Variants in RNF17 observed in about 807,000 individuals in gnomAD.
RNF17 encodes ring finger protein 17, also known as spermatogenesis associated 23.
RNF17 carries 31 observed loss-of-function variants against 200.5 expected under a neutral mutation model. That is an observed-to-expected ratio of 0.15 (90% CI 0.12 to 0.21). The LOEUF (loss-of-function observed/expected upper bound fraction) is 0.21. Among genes scored for constraint, RNF17 ranks in the 10% least tolerant of loss-of-function variants. The pLI, the probability that RNF17 is intolerant of heterozygous loss-of-function variation, is 1.00. For synonymous variants in RNF17, 606 were observed against 637.8 expected (o/e 0.95, Z 0.75); for missense variants, 1,628 against 1,905.1 (o/e 0.85, Z 2.71).
At chr13:24,786,201 A>G (rs997841763) in intron 6 of RNF17, among the ~76,000 whole-genome samples, 1 of 151,992 alleles carries the variant, frequency 6.6e-6, no homozygotes, top group African/African-American at 2.4e-5. Context: ...AATAGTTTTT[A>G]TGGTTACCCA....
intron 25 of RNF17, among the ~76,000 whole-genome samples, chr13:24,858,223 T>C (rs1892730908): frequency 6.6e-6 from 1 of 152,096 alleles, no homozygotes; most frequent in Non-Finnish European, 1.5e-5. Context: ...GACAATAAAA[T>C]CGGTACAATT....
chr13:24,820,125 T>C (rs1887864280), intron 15 of RNF17, among the ~76,000 whole-genome samples: 2 of 92,750 alleles, frequency 2.2e-5, no homozygotes. Context: ...TTTTTTCTTT[T>C]TTTTTTTTTT....
At chr13:24,853,768 G>A (rs1892189175) in intron 24 of RNF17, 87 bp from the exon 25 acceptor site, 2 of 951,256 alleles carry the variant, frequency 2.1e-6, no homozygotes, top group Non-Finnish European at 3.0e-6. Context: ...TCAATTTCAT[G>A]TATATCTGAA....
At chr13:24,833,105 G>A (rs1037621520) in intron 18 of RNF17, among the ~76,000 whole-genome samples, 27 of 152,104 alleles carry the variant, frequency 1.8e-4, no homozygotes, top group African/African-American at 6.3e-4. Context: ...CATACTGGCT[G>A]GGCTGGGCTT....
intron 10 of RNF17, among the ~76,000 whole-genome samples, chr13:24,793,995 A>T (rs1251540992): frequency 6.6e-6 from 1 of 152,204 alleles, no homozygotes; most frequent in East Asian, 1.9e-4. Context: ...ATTATCATTG[A>T]TGTCTCAATT....
rs1426472812 is a variant in RNF17 at position 24,859,162 on chromosome 13, A to G, written c.3772A>G (p.Arg1258Gly). 6.3e-7 allele frequency: 1 copy of G among 1,586,480 alleles called. No individual in the cohort carries two copies. The highest frequency in any genetic ancestry group is 1.2e-5 in the South Asian group (1 of 86,566). Residue 1258 changes from arginine (R) to glycine (G), a missense_variant and splice_region_variant, in exon 26 of 36, where the codon AGA becomes GGA. By Grantham distance (125) the Arg-to-Gly change is moderately radical (BLOSUM62 -2). Coordinates refer to ENST00000255324, the MANE Select transcript of RNF17 (RefSeq NM_031277.3). ...GATGGAGGTTGTAGGTGGCGCTGTC[A>G]GAGTGAGTCTGATATTCTTTTGTGA... ...KVMEVVGGAV[R>G]VQYLDHGFTE... is the part of the protein sequence containing the mutation.
At chr13:24,883,197 G>T (rs190161823), downstream of RNF17, 11 of 1,613,930 alleles carry the variant, frequency 6.8e-6, no homozygotes, top group Admixed American at 1.8e-4. Context: ...GTGTCCATTA[G>T]CACATTACCC....
chr13:24,835,476 A>G (rs1179114188), intron 18 of RNF17, among the ~76,000 whole-genome samples: 1 of 152,136 alleles, frequency 6.6e-6, no homozygotes, highest in Non-Finnish European at 1.5e-5. Flanking sequence ...TGAGAGACCC[A>G]TAGGTGGTTC....
the RNF17 span, among the ~76,000 whole-genome samples, chr13:24,748,673 C>CT: frequency 3.8e-4 from 58 of 152,168 alleles, no homozygotes; most frequent in African/African-American, 1.3e-3. Flanking sequence ...TTGCAACAAG[C>CT]TGTGCCAAGG....
the RNF17 span, among the ~76,000 whole-genome samples, chr13:24,887,141 C>T: frequency 6.6e-6 from 1 of 152,136 alleles, no homozygotes; most frequent in Non-Finnish European, 1.5e-5. Context: ...TTAAGAAGCA[C>T]TGCCCAAAGG....
intron 1 of RNF17, among the ~76,000 whole-genome samples, chr13:24,764,915 GTGTGTGTGTTGGTC>G (rs999243996): frequency 7.3e-5 from 6 of 82,608 alleles, no homozygotes; most frequent in African/African-American, 2.1e-4. Context: ...GTGTGTGTGT[GTGTGTGTGTTGGTC>G]TTTATACGTG....
At chr13:24,805,085 A>G (rs1200252560) in intron 15 of RNF17, among the ~76,000 whole-genome samples, 2 of 152,194 alleles carry the variant, frequency 1.3e-5, no homozygotes, top group Non-Finnish European at 2.9e-5. Flanking sequence ...AAGCTTCAGA[A>G]CTTGTCGTCT....
At chr13:24,785,566 T>A (rs1882996548) in intron 6 of RNF17, among the ~76,000 whole-genome samples, 1 of 152,168 alleles carries the variant, frequency 6.6e-6, no homozygotes, top group Non-Finnish European at 1.5e-5. Context: ...ATGTTTATCC[T>A]CATGTTGTTG....
At chr13:24,759,242 T>G (rs772611882), upstream of RNF17, among the ~76,000 whole-genome samples, 15 of 152,178 alleles carry the variant, frequency 9.9e-5, no homozygotes, top group African/African-American at 1.4e-4. Flanking sequence ...CTGTAACTTC[T>G]GAGTGAATAC....
At chr13:24,836,104 A>G (rs1204518904) in intron 18 of RNF17, among the ~76,000 whole-genome samples, 1 of 152,226 alleles carries the variant, frequency 6.6e-6, no homozygotes, top group African/African-American at 2.4e-5. Context: ...CAACAAAGAC[A>G]AGGAAAAAAG....
intron 33 of RNF17, among the ~76,000 whole-genome samples, chr13:24,876,695 G>A (rs561938779): frequency 1.3e-5 from 2 of 152,176 alleles, no homozygotes; most frequent in African/African-American, 2.4e-5. Context: ...ATCCTGTCAT[G>A]TGCTTGTTGG....
chr13:24,798,470 T>C (rs1884862100), intron 11 of RNF17, among the ~76,000 whole-genome samples: 1 of 152,164 alleles, frequency 6.6e-6, no homozygotes, highest in African/African-American at 2.4e-5. Context: ...CCTGTTGTTA[T>C]TAGCATATAC....
downstream of RNF17, chr13:24,884,355 C>A (rs1555294652): frequency 2.5e-6 from 4 of 1,614,042 alleles, no homozygotes; most frequent in South Asian, 3.3e-5. Context: ...TGCTTCACGT[C>A]ACCATTAAAG....
Position 24,879,173 on chromosome 13 carries a change from T to A in RNF17, c.4774-14T>A. On this transcript the variant is annotated splice_polypyrimidine_tract_variant and intron_variant, in intron 34 of 35. Coordinates refer to ENST00000255324, the MANE Select transcript of RNF17 (RefSeq NM_031277.3). The stretch of plus-strand genomic sequence containing the variant: ...CATTACTGTTTTCTTGACAACTGTA[T>A]CTTTTAATTTTAGGCTCCAGCACCA... The A allele has an allele frequency of 6.3e-7, 1 of 1,593,536 alleles. No homozygotes were observed. The highest frequency in any genetic ancestry group is 8.6e-7 in the Non-Finnish European group (1 of 1,161,484).
Sources: gnomAD v4.1 joint callset for allele counts (sites outside exome capture counted in the v4.1 genomes callset) on GRCh38, gnomAD v4.1.1 for gene constraint, MANE v1.5 for transcripts, NCBI Gene and HGNC (gene_info 2026-07-23, HGNC 2026-07-21) for gene names.